TCERG1L: variants seen among roughly 807,000 people sequenced by gnomAD.
The protein encoded by TCERG1L is transcription elongation regulator 1-like protein.
A neutral mutation model predicts 56.3 loss-of-function variants in TCERG1L; 37 were observed. That is an observed-to-expected ratio of 0.66 (90% CI 0.51 to 0.87). The LOEUF is 0.87. TCERG1L is among the 40% of genes least tolerant of loss of function. The probability of loss-of-function intolerance (pLI) is 0.00; values close to 1 mark genes in which losing one functional copy is unlikely to be tolerated. For synonymous variants in TCERG1L, 324 were observed against 326.3 expected (o/e 0.99, Z 0.08); for missense variants, 799 against 774.2 (o/e 1.03, Z -0.38).
intron 7 of TCERG1L, among the ~76,000 whole-genome samples, chr10:131,144,103 C>T (rs1306921242): frequency 6.6e-6 from 1 of 152,156 alleles, no homozygotes; most frequent in Non-Finnish European, 1.5e-5. Flanking sequence ...CACACACGCT[C>T]CCGAGACCTA....
intron 4 of TCERG1L, among the ~76,000 whole-genome samples, chr10:131,259,832 TG>T (rs1272337898): frequency 6.6e-6 from 1 of 152,182 alleles, no homozygotes; most frequent in Non-Finnish European, 1.5e-5. Flanking sequence ...GTGGACTGCC[TG>T]GGGGGAGCAG....
intron 6 of TCERG1L, among the ~76,000 whole-genome samples, chr10:131,152,553 G>A (rs1845876424): frequency 6.6e-6 from 1 of 152,184 alleles, no homozygotes; most frequent in South Asian, 2.1e-4. Flanking sequence ...TCTCTAGGAA[G>A]TTTCAAACTT....
intron 3 of TCERG1L, among the ~76,000 whole-genome samples, 161 bp downstream of exon 3, chr10:131,308,050 G>A (rs1013270026): frequency 6.6e-6 from 1 of 152,142 alleles, no homozygotes; most frequent in African/African-American, 2.4e-5. Context: ...AGCTATCCAA[G>A]ACTAGTTTTT....
chr10:131,210,532 A>G (rs1845605494), intron 4 of TCERG1L, among the ~76,000 whole-genome samples: 1 of 152,220 alleles, frequency 6.6e-6, no homozygotes, highest in African/African-American at 2.4e-5. Context: ...TCTGGGAAAA[A>G]TTCCAGGCTT....
chr10:131,166,485 G>A (rs1168714862), intron 5 of TCERG1L, among the ~76,000 whole-genome samples: 1 of 152,244 alleles, frequency 6.6e-6, no homozygotes, highest in African/African-American at 2.4e-5. Flanking sequence ...CCTAAGTGGT[G>A]TCTGAGTTTG....
intron 4 of TCERG1L, among the ~76,000 whole-genome samples, chr10:131,240,094 C>CCCT (rs1025418549): frequency 6.6e-6 from 1 of 152,204 alleles, no homozygotes; most frequent in Non-Finnish European, 1.5e-5. Context: ...CACGACCCCT[C>CCCT]CCTTATGATG....
intron 4 of TCERG1L, among the ~76,000 whole-genome samples, chr10:131,233,533 C>A (rs1220134545): frequency 6.6e-6 from 1 of 152,058 alleles, no homozygotes; most frequent in Non-Finnish European, 1.5e-5. Context: ...TGATGCATTG[C>A]GGCTTTTGTT....
intron 3 of TCERG1L, among the ~76,000 whole-genome samples, chr10:131,298,889 GAT>G (rs1846727127): frequency 6.6e-6 from 1 of 152,172 alleles, no homozygotes; most frequent in Non-Finnish European, 1.5e-5. Flanking sequence ...AATTCTCACT[GAT>G]ATTCACAGAT....
intron 10 of TCERG1L, among the ~76,000 whole-genome samples, chr10:131,101,377 A>G (rs896879614): frequency 1.7e-4 from 26 of 152,368 alleles, no homozygotes; most frequent in African/African-American, 6.0e-4. Context: ...GGGCTTGATC[A>G]TAAGTTGGAA....
At chr10:131,252,219 A>G (rs985800771) in intron 4 of TCERG1L, among the ~76,000 whole-genome samples, 1 of 152,192 alleles carries the variant, frequency 6.6e-6, no homozygotes, top group East Asian at 1.9e-4. Context: ...TGCTATGAAC[A>G]TGGGTGCACA....
At chr10:131,300,241 T>C (rs1259906811) in intron 3 of TCERG1L, among the ~76,000 whole-genome samples, 1 of 152,204 alleles carries the variant, frequency 6.6e-6, no homozygotes, top group Non-Finnish European at 1.5e-5. Context: ...TTTATTAGTC[T>C]TATGGTTTGC....
In TCERG1L at chr10:131,155,550, C is replaced by T. The variant is rs115723116; in HGVS notation, c.1034+7572G>A. ...AGAGCCTGTCTTTATGGAGTTCAAA[C>T]GGGATGTCACCCTGCTCTTGCACCC... On this transcript the variant is annotated intron_variant, in intron 6 of 11. Transcript: ENST00000368642. 5.2e-3 allele frequency among the ~76,000 whole-genome samples: 798 copies of T among 152,340 alleles called. 9 individuals carry two copies. The highest frequency in any genetic ancestry group is 0.018 in the African/African-American group (749 of 41,582).
chr10:131,269,262 C>A (rs1238705926), intron 3 of TCERG1L, among the ~76,000 whole-genome samples: 1 of 152,204 alleles, frequency 6.6e-6, no homozygotes, highest in East Asian at 1.9e-4. Flanking sequence ...TCTCGGCTCA[C>A]TGCAACCTCC....
At chr10:131,285,489 A>G (rs1846517236) in intron 3 of TCERG1L, among the ~76,000 whole-genome samples, 3 of 19,558 alleles carry the variant, frequency 1.5e-4, no homozygotes, top group African/African-American at 2.7e-4. Context: ...AGAAAGAAAG[A>G]AAGAAAGAAA....
chr10:131,174,882 C>T (rs919728391), intron 4 of TCERG1L, among the ~76,000 whole-genome samples: 2 of 152,102 alleles, frequency 1.3e-5, no homozygotes, highest in African/African-American at 4.8e-5. Context: ...GGGACTCCAC[C>T]CCTGCAACCT....
chr10:131,092,532 T>G lies in TCERG1L; in HGVS notation c.*630A>C, dbSNP rs1014641271. The G allele has an allele frequency of 1.3e-5, 2 of 152,654 alleles. No homozygotes were observed. Among genetic ancestry groups the G allele is most frequent in the African/African-American group, 2.4e-5 (1 of 41,460 alleles). The allele number at this position is 152,654 out of a possible 1,614,324, so 9.5% of individuals were successfully genotyped here. On this transcript the variant is annotated 3_prime_UTR_variant, in exon 12 of 12. Coordinates refer to ENST00000368642, the MANE Select transcript of TCERG1L (RefSeq NM_174937.4). ...ATGATTTTGTACAAAATAATTCTTTTGAAGTAGGACCGGTGGCAACCAACA... is the reference window on the plus strand; with the variant it reads ...ATGATTTTGTACAAAATAATTCTTTGGAAGTAGGACCGGTGGCAACCAACA...
chr10:131,143,244 G>A (rs1264995411), intron 7 of TCERG1L, among the ~76,000 whole-genome samples: 2 of 152,190 alleles, frequency 1.3e-5, no homozygotes, highest in African/African-American at 2.4e-5. Flanking sequence ...AAGTGTGGGG[G>A]TTGCACGCAC....
intron 6 of TCERG1L, among the ~76,000 whole-genome samples, chr10:131,160,196 C>T (rs750110040): frequency 4.6e-5 from 7 of 152,190 alleles, no homozygotes; most frequent in Admixed American, 3.9e-4. Flanking sequence ...CAGGAGGCGC[C>T]CACCTGGGGC....
intron 11 of TCERG1L, among the ~76,000 whole-genome samples, chr10:131,095,975 A>C (rs930989513): frequency 2.0e-5 from 3 of 152,216 alleles, no homozygotes; most frequent in Admixed American, 2.0e-4. Context: ...CTAGTTTATC[A>C]ATAGAGAATG....
Sources: gnomAD v4.1 joint callset for allele counts (sites outside exome capture counted in the v4.1 genomes callset) on GRCh38, gnomAD v4.1.1 for gene constraint, MANE v1.5 for transcripts, NCBI Gene and HGNC (gene_info 2026-07-23, HGNC 2026-07-21) for gene names.